Variants in GAREM1 observed in about 807,000 individuals in gnomAD.
The protein encoded by GAREM1 is GRB2-associated and regulator of MAPK protein 1.
Under a neutral mutation model 71.3 loss-of-function variants are expected in GAREM1, and 26 were observed. That is an observed-to-expected ratio of 0.36 (90% CI 0.27 to 0.51). The LOEUF (loss-of-function observed/expected upper bound fraction) is 0.51, where lower values mean the gene tolerates loss of function less well. GAREM1 is among the 20% of genes least tolerant of loss of function. The pLI, the probability that GAREM1 is intolerant of heterozygous loss-of-function variation, is 0.95. For missense variants in GAREM1, 1,026 were observed against 1,103.1 expected (o/e 0.93, Z 0.99); for synonymous variants, 440 against 433.2 (o/e 1.02, Z -0.20).
Position 32,287,978 on chromosome 18 carries a change from C to T in GAREM1, c.619G>A (p.Glu207Lys), listed in dbSNP as rs1330075484. The part of the protein sequence containing the change: ...CLICMNHRTN[E>K]SISLPFQCKG... ...CACTGGAATGGAAGGCTAATGCTTT[C>T]GTTGGTCCGGTGATTCATACAAATG... Residue 207 changes from glutamate (E) to lysine (K), a missense_variant, in exon 4 of 6, where the codon GAA becomes AAA. This residue lies in a region of GAREM1 where 218 missense variants were observed against 296.8 expected (regional missense o/e 0.73). Transcript: ENST00000269209. The surrounding 1 kb of genome is among the most constrained non-coding windows in gnomAD (Gnocchi z 5.9). 1.9e-6 allele frequency: 3 copies of T among 1,613,962 alleles called. No individual in the cohort carries two copies. The highest frequency in any genetic ancestry group is 1.7e-5 in the Admixed American group (1 of 59,992).
chr18:32,370,938 C>A (rs2144626235), intron 2 of GAREM1, among the ~76,000 whole-genome samples: 1 of 152,266 alleles, frequency 6.6e-6, no homozygotes, highest in South Asian at 2.1e-4. Flanking sequence ...AAGCCAGATC[C>A]TCTGACAGGC....
At chr18:32,285,068 C>A (rs1049741515) in intron 4 of GAREM1, among the ~76,000 whole-genome samples, 1 of 152,036 alleles carries the variant, frequency 6.6e-6, no homozygotes, top group Admixed American at 6.6e-5. Context: ...ACTTTTTACC[C>A]GGCTTTTGAT....
At chr18:32,339,986 C>G (rs2047633372) in intron 2 of GAREM1, among the ~76,000 whole-genome samples, 1 of 152,218 alleles carries the variant, frequency 6.6e-6, no homozygotes, top group Admixed American at 6.5e-5. Flanking sequence ...ATCCTATAAT[C>G]ATGGCCTTGG....
chr18:32,367,480 T>C (rs1419822559), intron 2 of GAREM1, among the ~76,000 whole-genome samples: 1 of 152,160 alleles, frequency 6.6e-6, no homozygotes. Flanking sequence ...CTAGGAAAAA[T>C]CCAAACTCCA....
intron 1 of GAREM1, among the ~76,000 whole-genome samples, chr18:32,449,117 C>T (rs2048810008): frequency 6.6e-6 from 1 of 152,198 alleles, no homozygotes; most frequent in Non-Finnish European, 1.5e-5. Context: ...GCTTTTCAGC[C>T]ATGTGACCTT....
intron 3 of GAREM1, among the ~76,000 whole-genome samples, chr18:32,294,971 TAA>T (rs1309155138): frequency 6.6e-6 from 1 of 152,202 alleles, no homozygotes; most frequent in Non-Finnish European, 1.5e-5. Context: ...TCTAGTTTTC[TAA>T]AAGTTTCTAC....
At chr18:32,382,873 C>A (rs925888689) in intron 2 of GAREM1, among the ~76,000 whole-genome samples, 2 of 151,988 alleles carry the variant, frequency 1.3e-5, no homozygotes, top group Admixed American at 6.5e-5. Flanking sequence ...GGGACTCCCA[C>A]ACGAGGGGAC....
chr18:32,313,587 A>G (rs1488480237), intron 2 of GAREM1, among the ~76,000 whole-genome samples: 1 of 152,174 alleles, frequency 6.6e-6, no homozygotes, highest in Non-Finnish European at 1.5e-5. Context: ...CAAGCCAGGA[A>G]CTAAAATTAT....
chr18:32,316,820 A>C (rs2047382114), intron 2 of GAREM1, among the ~76,000 whole-genome samples: 1 of 152,168 alleles, frequency 6.6e-6, no homozygotes, highest in South Asian at 2.1e-4. Context: ...ATATTTTCTT[A>C]ATGTAATGTT....
Position 32,286,916 on chromosome 18 carries a change from C to T in GAREM1, c.1566+115G>A, listed in dbSNP as rs2047024010. The T allele has an allele frequency of 5.3e-6, 4 of 755,176 alleles. No homozygotes were observed. In the Admixed American group the frequency reaches 7.6e-5, roughly 14 times the overall value. The allele number at this position is 755,176 out of a possible 1,614,324, so 46.8% of individuals were successfully genotyped here. A position where few individuals can be genotyped will look rare whatever the true frequency, so the allele number is the denominator to read the frequency against. Reference sequence around the variant, plus strand: ...CATGTGTATCTCACTCCAAACTAAACAAATTTGCTCACTCTGCAATCTTCA... The same window carrying T: ...CATGTGTATCTCACTCCAAACTAAATAAATTTGCTCACTCTGCAATCTTCA... On this transcript the variant is annotated intron_variant, in intron 4 of 5. Transcript: ENST00000269209.
At chr18:32,313,710 G>A (rs755641958) in intron 2 of GAREM1, among the ~76,000 whole-genome samples, 4 of 152,130 alleles carry the variant, frequency 2.6e-5, no homozygotes, top group Non-Finnish European at 5.9e-5. Context: ...GCGGTTTAAA[G>A]CAAAGAGTTT....
At position 32,379,152 on chromosome 18, in the gene GAREM1, C is replaced by T. The variant is rs142848973; in HGVS notation, c.262+13743G>A. On this transcript the variant is annotated intron_variant, in intron 2 of 5. Coordinates refer to ENST00000269209, the MANE Select transcript of GAREM1 (RefSeq NM_001242409.2). ...ACAGTTTCTATATTAAATGAGATAACAGCAGTGTATAAAAGCCCTGGCCCA... is the reference window on the plus strand; with the variant it reads ...ACAGTTTCTATATTAAATGAGATAATAGCAGTGTATAAAAGCCCTGGCCCA... Among the ~76,000 whole-genome samples, 116 of 152,162 alleles carry T rather than the reference C, an allele frequency of 7.6e-4. 1 individual carries two copies. Among genetic ancestry groups the T allele is most frequent in the South Asian group, 6.8e-3 (33 of 4,820 alleles).
chr18:32,292,326 T>G (rs947737607), intron 3 of GAREM1, among the ~76,000 whole-genome samples: 1 of 152,196 alleles, frequency 6.6e-6, no homozygotes, highest in Non-Finnish European at 1.5e-5. Context: ...CTTCACCCAC[T>G]TTTTGATGGG....
chr18:32,438,181 G>C (rs1049072801), intron 1 of GAREM1, among the ~76,000 whole-genome samples: 15 of 152,106 alleles, frequency 9.9e-5, no homozygotes, highest in African/African-American at 3.6e-4. Context: ...ATAAGGAAGA[G>C]AGAAGGCCTA....
intron 2 of GAREM1, among the ~76,000 whole-genome samples, chr18:32,376,719 T>G (rs1567986035): frequency 6.6e-6 from 1 of 152,136 alleles, no homozygotes; most frequent in African/African-American, 2.4e-5. Flanking sequence ...ATGCCTGTAA[T>G]CCCAGCTACT....
intron 2 of GAREM1, among the ~76,000 whole-genome samples, chr18:32,322,501 CA>C (rs34487311): frequency 0.11 from 17,458 of 152,226 alleles, 1,609 homozygotes; most frequent in African/African-American, 0.26. Context: ...GGGTCAGTTA[CA>C]ACACCTGAAA....
chr18:32,391,783 G>A (rs972661991), intron 2 of GAREM1, among the ~76,000 whole-genome samples: 1 of 152,120 alleles, frequency 6.6e-6, no homozygotes, highest in African/African-American at 2.4e-5. Context: ...TTAGGGCTAG[G>A]AAATACAATT....
chr18:32,398,770 C>G (rs1174750216), intron 1 of GAREM1, among the ~76,000 whole-genome samples: 1 of 152,108 alleles, frequency 6.6e-6, no homozygotes, highest in Non-Finnish European at 1.5e-5. Flanking sequence ...CCTTCTGAAA[C>G]TATTCCAATC....
chr18:32,306,747 T>C (rs1185297233), intron 3 of GAREM1, among the ~76,000 whole-genome samples: 2 of 152,236 alleles, frequency 1.3e-5, no homozygotes, highest in African/African-American at 4.8e-5. Flanking sequence ...CTTGTTTATG[T>C]ATTTCTTGTC....
Sources: allele counts gnomAD v4.1 joint callset (sites outside exome capture counted in the v4.1 genomes callset), GRCh38; gene constraint gnomAD v4.1.1; regional missense constraint gnomAD v4.1.1; non-coding constraint Gnocchi (gnomAD v3.1); transcripts MANE v1.5; gene names NCBI Gene and HGNC (gene_info 2026-07-23, HGNC 2026-07-21).